Variants in HMGB1 observed in about 807,000 individuals in gnomAD.
HMGB1 encodes high mobility group protein B1.
For synonymous variants in HMGB1, 81 were observed against 84.0 expected, an observed-to-expected ratio of 0.96 and a Z score of 0.19; for missense variants, 79 against 253.5, an observed-to-expected ratio of 0.31 and a Z score of 4.67.
At chr13:30,498,158 G>A (rs576748859) in intron 1 of HMGB1, among the ~76,000 whole-genome samples, 1 of 152,280 alleles carries the variant, frequency 6.6e-6, no homozygotes, top group South Asian at 2.1e-4. Flanking sequence ...ATTCTGACTA[G>A]TGTGGGATAG....
chr13:30,536,162 A>G (rs1485370383), intron 1 of HMGB1, among the ~76,000 whole-genome samples: 1 of 152,232 alleles, frequency 6.6e-6, no homozygotes, highest in African/African-American at 2.4e-5. Context: ...AGTTACTGCA[A>G]TAAACAATTC....
At chr13:30,498,557 G>A (rs1593276560) in intron 1 of HMGB1, among the ~76,000 whole-genome samples, 2 of 151,900 alleles carry the variant, frequency 1.3e-5, no homozygotes, top group South Asian at 4.2e-4. Flanking sequence ...CCCACGTCTA[G>A]CTATAGAGTA....
At chr13:30,576,885 T>G (rs1267509815) in intron 1 of HMGB1, among the ~76,000 whole-genome samples, 3 of 152,088 alleles carry the variant, frequency 2.0e-5, no homozygotes, top group Non-Finnish European at 4.4e-5. Context: ...CTTCAAATAC[T>G]CTCCAGAATT....
exon 1 of HMGB1, chr13:30,617,271 A>G (rs1950575942): frequency 2.6e-5 from 4 of 152,360 alleles, no homozygotes; most frequent in Admixed American, 2.6e-4. Flanking sequence ...ATCCTGGTAG[A>G]AAAGCCCCTG....
chr13:30,530,158 T>G (rs1384228825), intron 1 of HMGB1, among the ~76,000 whole-genome samples: 1 of 152,172 alleles, frequency 6.6e-6, no homozygotes, highest in Non-Finnish European at 1.5e-5. Context: ...ATCCAAAATT[T>G]TCTAAAATTT....
intron 1 of HMGB1, among the ~76,000 whole-genome samples, chr13:30,493,123 T>C (rs1298570331): frequency 2.6e-5 from 4 of 152,154 alleles, no homozygotes; most frequent in South Asian, 4.2e-4. Flanking sequence ...GCAATGTTCA[T>C]TGTAGGTTTA....
chr13:30,497,864 ATT>A (rs1306347926), intron 1 of HMGB1, among the ~76,000 whole-genome samples: 3 of 152,112 alleles, frequency 2.0e-5, no homozygotes, highest in Non-Finnish European at 4.4e-5. Flanking sequence ...ACTGATGGGC[ATT>A]TAGGTTCATT....
intron 1 of HMGB1, among the ~76,000 whole-genome samples, chr13:30,516,054 A>G (rs1010272492): frequency 1.3e-5 from 2 of 152,166 alleles, no homozygotes; most frequent in African/African-American, 4.8e-5. Flanking sequence ...TACAGTCCAT[A>G]TTACCGTATT....
intron 1 of HMGB1, among the ~76,000 whole-genome samples, chr13:30,488,647 TA>T (rs1401536708): frequency 0.031 from 58 of 1,880 alleles, no homozygotes; most frequent in South Asian, 0.17. Flanking sequence ...TTTTTAATTT[TA>T]TTATTATTAT....
At chr13:30,473,562 C>T (rs1379926910) in intron 1 of HMGB1, among the ~76,000 whole-genome samples, 2 of 152,168 alleles carry the variant, frequency 1.3e-5, no homozygotes, top group Non-Finnish European at 2.9e-5. Context: ...GCTTATCACA[C>T]ACCCACGCAG....
chr13:30,560,865 G>A (rs1438220071), intron 1 of HMGB1, among the ~76,000 whole-genome samples: 1 of 152,010 alleles, frequency 6.6e-6, no homozygotes, highest in Admixed American at 6.6e-5. Context: ...GTTGAAGAGC[G>A]ATGGACATTT....
intron 1 of HMGB1, among the ~76,000 whole-genome samples, chr13:30,589,215 G>C (rs1340573686): frequency 6.6e-6 from 1 of 151,892 alleles, no homozygotes; most frequent in Non-Finnish European, 1.5e-5. Flanking sequence ...ATGTTGGTCA[G>C]GCTGGTCTCA....
chr13:30,602,577 C>T (rs1481573884), intron 1 of HMGB1, among the ~76,000 whole-genome samples: 4 of 152,142 alleles, frequency 2.6e-5, no homozygotes. Flanking sequence ...CTTTGAAAAA[C>T]TGATTTTTAT....
chr13:30,500,248 G>C (rs1259790276), intron 1 of HMGB1, among the ~76,000 whole-genome samples: 1 of 152,116 alleles, frequency 6.6e-6, no homozygotes. Flanking sequence ...TGGACTACCT[G>C]GCCTCCTGAA....
At chr13:30,547,364 T>C (rs1017802340) in intron 1 of HMGB1, among the ~76,000 whole-genome samples, 3 of 152,232 alleles carry the variant, frequency 2.0e-5, no homozygotes, top group Non-Finnish European at 4.4e-5. Flanking sequence ...TAATTATGTA[T>C]GTTGGCAAAA....
upstream of HMGB1, chr13:30,465,997 C>T: frequency 2.2e-5 from 21 of 975,216 alleles, no homozygotes; most frequent in Non-Finnish European, 2.6e-5. Flanking sequence ...GCTCATTGGC[C>T]CGATACCTCC....
chr13:30,474,243 C>T (rs765899760), intron 1 of HMGB1, among the ~76,000 whole-genome samples: 3 of 152,068 alleles, frequency 2.0e-5, no homozygotes, highest in Non-Finnish European at 4.4e-5. Flanking sequence ...AAATGTCTTA[C>T]GAGTGGTTTT....
In HMGB1 at chr13:30,464,248, C is replaced by T. The variant is rs1224895160; in HGVS notation, c.-14-554G>A. On this transcript the variant is annotated intron_variant, in intron 1 of 4. Transcript: ENST00000341423. Reference sequence around the variant, plus strand: ...GCAGCCAGCTCCGGTGCTCGGAACCCGGTTGGGGGGTGGCGGTGCCACCGC... The same window carrying T: ...GCAGCCAGCTCCGGTGCTCGGAACCTGGTTGGGGGGTGGCGGTGCCACCGC... 8 of 985,444 alleles carry T rather than the reference C, an allele frequency of 8.1e-6. No homozygotes were observed. The African/African-American group carries it at 1.4e-4, about 17-fold the overall frequency. 61.0% of individuals were successfully genotyped at this position (985,444 alleles called of 1,614,324 possible). A position where few individuals can be genotyped will look rare whatever the true frequency, so the allele number is the denominator to read the frequency against.
At chr13:30,602,710 T>G (rs1261982513) in intron 1 of HMGB1, among the ~76,000 whole-genome samples, 2 of 152,368 alleles carry the variant, frequency 1.3e-5, no homozygotes, top group East Asian at 3.9e-4. Context: ...GATTTAGAAC[T>G]CTTGCCCTTG....
Sources: gnomAD v4.1 joint callset for allele counts (sites outside exome capture counted in the v4.1 genomes callset) on GRCh38, gnomAD v4.1.1 for gene constraint, MANE v1.5 for transcripts, NCBI Gene and HGNC (gene_info 2026-07-23, HGNC 2026-07-21) for gene names.